The following TLL1 variants were observed in gnomAD, a reference collection of about 807,000 sequenced individuals.
TLL1 encodes tolloid-like protein 1.
A neutral mutation model predicts 128.2 loss-of-function variants in TLL1; 49 were observed. The observed-to-expected ratio is 0.38, with a 90% CI of 0.30 to 0.48. The LOEUF (loss-of-function observed/expected upper bound fraction) is 0.48. Ranked by LOEUF, TLL1 falls within the 20% of genes least tolerant of loss-of-function variation. TLL1 has a pLI of 0.96. For synonymous variants in TLL1, 454 were observed against 418.8 expected (o/e 1.08, Z -1.03); for missense variants, 1,123 against 1,242.0 (o/e 0.90, Z 1.44).
At chr4:166,081,488 G>T (rs1034344550) in intron 18 of TLL1, among the ~76,000 whole-genome samples, 2 of 152,160 alleles carry the variant, frequency 1.3e-5, no homozygotes, top group African/African-American at 4.8e-5. Flanking sequence ...CATGGAAAAG[G>T]ATCTGTAAGT....
At position 166,051,398 on chromosome 4, in the gene TLL1, G is replaced by A. The variant is rs142921735; in HGVS notation, c.1525-3678G>A. On this transcript the variant is annotated intron_variant, in intron 12 of 20. Transcript: ENST00000061240. Reference sequence around the variant, plus strand: ...CTTTCTATAAATCATCGCCTTTGGTGTTCTTTTACTGATGAAGCTTAAACT... The same window carrying A: ...CTTTCTATAAATCATCGCCTTTGGTATTCTTTTACTGATGAAGCTTAAACT... Among the ~76,000 whole-genome samples the A allele has an allele frequency of 2.8e-3, 415 of 146,548 alleles. 1 individual carries two copies. The highest frequency in any genetic ancestry group is 0.01 in the Middle Eastern group (3 of 288).
intron 1 of TLL1, among the ~76,000 whole-genome samples, chr4:165,976,432 A>C (rs1388254005): frequency 6.6e-6 from 1 of 152,236 alleles, no homozygotes; most frequent in Non-Finnish European, 1.5e-5. Flanking sequence ...GAAGATGTAA[A>C]TAAAACCAAA....
chr4:166,023,626 GA>G (rs1738347317), intron 8 of TLL1, among the ~76,000 whole-genome samples: 1 of 152,158 alleles, frequency 6.6e-6, no homozygotes, highest in Non-Finnish European at 1.5e-5. Flanking sequence ...ATTTATTGAA[GA>G]AAATTCACAA....
At chr4:166,025,107 T>C (rs1738431602) in intron 8 of TLL1, among the ~76,000 whole-genome samples, 1 of 152,120 alleles carries the variant, frequency 6.6e-6, no homozygotes, top group African/African-American at 2.4e-5. Context: ...TATAATCTTA[T>C]TCGGTGATTC....
chr4:166,100,749 A>G lies in TLL1; in HGVS notation c.2915A>G (p.Glu972Gly), dbSNP rs1365597525. 1 of 1,612,856 alleles carries G rather than the reference A, an allele frequency of 6.2e-7. No homozygotes were observed. Among genetic ancestry groups the G allele is most frequent in the African/African-American group, 1.3e-5 (1 of 74,964 alleles). The change falls in exon 21 of 21, where the codon GAA becomes GGA. Residue 972 changes from glutamate to glycine, a missense_variant. Physicochemically the swap from Glu to Gly is moderately conservative, Grantham distance 98 (BLOSUM62 -2). This residue lies in a region of TLL1 where 634 missense variants were observed against 672.4 expected (regional missense o/e 0.94). Coordinates refer to ENST00000061240, the MANE Select transcript of TLL1 (RefSeq NM_012464.5). ...LGRFCGSGPP[E>G]EIYSIGDSVL... ...GTTTTTGTTTTCCTTCAGCCACCAGAAGAGATTTATTCAATTGGAGATTCA... is the reference window on the plus strand; with the variant it reads ...GTTTTTGTTTTCCTTCAGCCACCAGGAGAGATTTATTCAATTGGAGATTCA...
At chr4:165,978,397 C>T (rs1294438384) in intron 1 of TLL1, among the ~76,000 whole-genome samples, 1 of 151,908 alleles carries the variant, frequency 6.6e-6, no homozygotes, top group Non-Finnish European at 1.5e-5. Context: ...TAATTAACCT[C>T]CCCAATTTCA....
At chr4:165,916,166 G>A (rs543088454) in intron 1 of TLL1, among the ~76,000 whole-genome samples, 11 of 152,182 alleles carry the variant, frequency 7.2e-5, no homozygotes, top group Non-Finnish European at 1.3e-4. Flanking sequence ...TTGAAGAACT[G>A]CGAGCTCTTG....
intron 9 of TLL1, among the ~76,000 whole-genome samples, chr4:166,034,138 A>G (rs914569214): frequency 2.6e-5 from 4 of 152,176 alleles, no homozygotes; most frequent in Admixed American, 2.6e-4. Flanking sequence ...ATAAACTTAT[A>G]ACCTAGTAAT....
chr4:166,049,842 C>T (rs1401146010), intron 12 of TLL1, among the ~76,000 whole-genome samples: 1 of 151,556 alleles, frequency 6.6e-6, no homozygotes, highest in Non-Finnish European at 1.5e-5. Context: ...ATGATAAATG[C>T]TCATTTGCAT....
intron 9 of TLL1, among the ~76,000 whole-genome samples, chr4:166,028,805 T>G (rs1020751579): frequency 2.0e-5 from 3 of 152,158 alleles, no homozygotes; most frequent in East Asian, 3.9e-4. Flanking sequence ...TTTTGATTAA[T>G]ATATTTGCCA....
At chr4:166,054,164 TC>T (rs756197786) in intron 12 of TLL1, among the ~76,000 whole-genome samples, 10 of 146,092 alleles carry the variant, frequency 6.8e-5, no homozygotes, top group Non-Finnish European at 1.5e-4. Flanking sequence ...AAAAGCCTCA[TC>T]CAAACAAGGC....
At position 165,970,116 on chromosome 4, in the gene TLL1, C is replaced by T. The variant is rs1393010495; in HGVS notation, c.170-19265C>T. Among the ~76,000 whole-genome samples the T allele has an allele frequency of 2.0e-5, 3 of 152,008 alleles. No individual in the cohort carries two copies. The East Asian group carries it at 5.8e-4, about 29-fold the overall frequency. ...TGAGTGTTCTAAGGCTGTAGAAGACCTCTTTTTTGAATTAAGTTTGTTAAG... is the reference window on the plus strand; with the variant it reads ...TGAGTGTTCTAAGGCTGTAGAAGACTTCTTTTTTGAATTAAGTTTGTTAAG... On this transcript the variant is annotated intron_variant, in intron 1 of 20. Transcript: ENST00000061240.
intron 1 of TLL1, among the ~76,000 whole-genome samples, chr4:165,973,146 C>T (rs1735704439): frequency 6.6e-6 from 1 of 151,996 alleles, no homozygotes; most frequent in Non-Finnish European, 1.5e-5. Flanking sequence ...AGAATTGGCT[C>T]ACACTATCAA....
chr4:166,034,210 GA>G (rs1191944848), intron 9 of TLL1, among the ~76,000 whole-genome samples: 1 of 152,080 alleles, frequency 6.6e-6, no homozygotes, highest in African/African-American at 2.4e-5. Flanking sequence ...TGGACTTTAG[GA>G]AAGCTCAGAT....
At position 166,099,552 on chromosome 4, in the gene TLL1, C is replaced by T. The variant is rs750402843; in HGVS notation, c.2907+25C>T. 4 of 1,612,000 alleles carry T rather than the reference C, an allele frequency of 2.5e-6. No individual in the cohort carries two copies. The South Asian group carries it at 4.4e-5, about 18-fold the overall frequency. On this transcript the variant is annotated intron_variant, in intron 20 of 20. Coordinates refer to ENST00000061240, the MANE Select transcript of TLL1 (RefSeq NM_012464.5). ...GGTAAATATACCACCAACAGAATAC[C>T]CTAGACATGATTAAAGATGCCTATT...
At chr4:165,955,865 C>T (rs1388943668) in intron 1 of TLL1, among the ~76,000 whole-genome samples, 1 of 152,014 alleles carries the variant, frequency 6.6e-6, no homozygotes, top group Non-Finnish European at 1.5e-5. Flanking sequence ...TAGGTTCTTT[C>T]TATTTTCCAT....
chr4:165,908,073 T>C (rs1732354074), intron 1 of TLL1, among the ~76,000 whole-genome samples: 1 of 152,190 alleles, frequency 6.6e-6, no homozygotes, highest in African/African-American at 2.4e-5. Context: ...ATACTAAATA[T>C]TTCTCTGGCA....
At chr4:166,067,609 C>A (rs944915162) in intron 16 of TLL1, among the ~76,000 whole-genome samples, 6 of 151,640 alleles carry the variant, frequency 4.0e-5, no homozygotes, top group Non-Finnish European at 8.9e-5. Context: ...TTCACTGATG[C>A]ATACTTAGAA....
At chr4:165,932,615 G>A (rs998692655) in intron 1 of TLL1, among the ~76,000 whole-genome samples, 2 of 151,572 alleles carry the variant, frequency 1.3e-5, no homozygotes, top group Non-Finnish European at 2.9e-5. Flanking sequence ...TTAACTGGAC[G>A]TTCTGATATT....
Sources: allele counts gnomAD v4.1 joint callset (sites outside exome capture counted in the v4.1 genomes callset), GRCh38; gene constraint gnomAD v4.1.1; regional missense constraint gnomAD v4.1.1; transcripts MANE v1.5; gene names NCBI Gene and HGNC (gene_info 2026-07-23, HGNC 2026-07-21).